Variants in TRMT11 observed in about 807,000 individuals in gnomAD.
TRMT11 encodes the protein tRNA (guanine(10)-N(2))-methyltransferase TRMT11.
TRMT11 carries 53 observed loss-of-function variants against 62.8 expected under a neutral mutation model. The observed-to-expected ratio is 0.84, with a 90% CI of 0.68 to 1.06. The LOEUF (loss-of-function observed/expected upper bound fraction) is 1.06, where lower values mean the gene tolerates loss of function less well. Among genes scored for constraint, TRMT11 ranks in the 50% least tolerant of loss-of-function variants. The probability of loss-of-function intolerance (pLI) is 0.00; values close to 1 mark genes in which losing one functional copy is unlikely to be tolerated. For missense variants in TRMT11, 556 were observed against 553.4 expected (o/e 1.00, Z -0.05); for synonymous variants, 188 against 190.3 (o/e 0.99, Z 0.10).
chr6:126,192,529 T>C (rs1266838581), intron 1 of TRMT11, among the ~76,000 whole-genome samples: 1 of 152,162 alleles, frequency 6.6e-6, no homozygotes. Context: ...GAGATCTTAC[T>C]TAAAAGGCTC....
At chr6:126,038,437 CAAAAA>C (rs72178194) in intron 12 of TRMT11, among the ~76,000 whole-genome samples, 6 of 129,260 alleles carry the variant, frequency 4.6e-5, no homozygotes, top group Admixed American at 7.7e-5. Flanking sequence ...TGCCCTGAGG[CAAAAA>C]AAAAAAAAAA....
the TRMT11 span, among the ~76,000 whole-genome samples, chr6:126,269,784 A>G: frequency 9.1e-4 from 139 of 152,326 alleles, no homozygotes; most frequent in African/African-American, 3.2e-3. Flanking sequence ...TAAGAGAAAA[A>G]ACCAAAGTAT....
the TRMT11 span, among the ~76,000 whole-genome samples, chr6:126,211,609 A>C: frequency 6.6e-6 from 1 of 150,472 alleles, no homozygotes; most frequent in East Asian, 2.0e-4. Flanking sequence ...ATAGCTCTCC[A>C]TTTTTCTTTA....
chr6:126,117,615 C>A (rs1357604194), intron 21 of TRMT11, among the ~76,000 whole-genome samples: 1 of 151,992 alleles, frequency 6.6e-6, no homozygotes, highest in Non-Finnish European at 1.5e-5. Flanking sequence ...TTCAGTTGAA[C>A]CTTTCATTCT....
At chr6:126,133,518 G>C (rs966293464) in intron 21 of TRMT11, among the ~76,000 whole-genome samples, 4 of 151,902 alleles carry the variant, frequency 2.6e-5, no homozygotes, top group African/African-American at 9.7e-5. Flanking sequence ...ATGAATGTAG[G>C]TAGCTACTGC....
chr6:126,023,556 G>T lies in TRMT11; in HGVS notation c.1260+2276G>T, dbSNP rs550892826. 1.3e-3 allele frequency among the ~76,000 whole-genome samples: 195 copies of T among 152,294 alleles called. 1 individual carries two copies. The highest frequency in any genetic ancestry group is 4.3e-3 in the African/African-American group (177 of 41,558). On this transcript the variant is annotated intron_variant, in intron 12 of 12. Transcript: ENST00000334379. ...CCAGTGACTTGGGGGGCTGAGGCAG[G>T]AGAATCACTTGAACCGGGGAGGTGG...
chr6:126,270,590 A>G, the TRMT11 span, among the ~76,000 whole-genome samples: 106 of 152,358 alleles, frequency 7.0e-4, no homozygotes, highest in African/African-American at 2.5e-3. Context: ...TTTGATAATT[A>G]TATTGTAGTT....
At chr6:126,215,565 A>ATGT in the TRMT11 span, among the ~76,000 whole-genome samples, 1 of 151,788 alleles carries the variant, frequency 6.6e-6, no homozygotes, top group African/African-American at 2.4e-5. Context: ...CTTTATTGTC[A>ATGT]GTCTATGTGT....
the TRMT11 span, among the ~76,000 whole-genome samples, chr6:126,231,464 A>G: frequency 1.3e-5 from 2 of 152,208 alleles, no homozygotes; most frequent in Admixed American, 6.5e-5. Flanking sequence ...ATACTAGTCT[A>G]TACGTTAATT....
intron 17 of TRMT11, among the ~76,000 whole-genome samples, chr6:126,059,709 G>A (rs1469560620): frequency 1.3e-5 from 2 of 152,088 alleles, no homozygotes. Flanking sequence ...TATGGAGGTG[G>A]GATTTGAACC....
chr6:126,126,334 G>A (rs187012010), intron 21 of TRMT11, among the ~76,000 whole-genome samples: 3 of 152,128 alleles, frequency 2.0e-5, no homozygotes, highest in Non-Finnish European at 2.9e-5. Context: ...ATATTTCAAC[G>A]TTTAGTTGTT....
chr6:126,221,195 T>A, the TRMT11 span, among the ~76,000 whole-genome samples: 1 of 152,232 alleles, frequency 6.6e-6, no homozygotes, highest in Non-Finnish European at 1.5e-5. Context: ...ATGTCTTTGT[T>A]ATTGTGAATA....
chr6:126,239,851 G>A, the TRMT11 span, among the ~76,000 whole-genome samples: 6 of 152,178 alleles, frequency 3.9e-5, no homozygotes, highest in Non-Finnish European at 8.8e-5. Flanking sequence ...ACACCAATGA[G>A]ACGTAGATTT....
chr6:126,143,771 A>G (rs561600330), intron 21 of TRMT11, among the ~76,000 whole-genome samples: 1 of 152,332 alleles, frequency 6.6e-6, no homozygotes, highest in East Asian at 1.9e-4. Flanking sequence ...TGCTTTATGT[A>G]ACCAAGTGTT....
chr6:126,096,127 A>G (rs1777336949), intron 17 of TRMT11, among the ~76,000 whole-genome samples: 1 of 152,156 alleles, frequency 6.6e-6, no homozygotes, highest in Admixed American at 6.6e-5. Context: ...AACCAGTAGG[A>G]GAATTCTGTT....
At chr6:126,168,990 A>C (rs1222100098) in intron 21 of TRMT11, among the ~76,000 whole-genome samples, 1 of 152,246 alleles carries the variant, frequency 6.6e-6, no homozygotes, top group Non-Finnish European at 1.5e-5. Context: ...AGAATTGCAA[A>C]GTTATTCCAA....
At chr6:126,271,380 A>G in the TRMT11 span, among the ~76,000 whole-genome samples, 3 of 150,008 alleles carry the variant, frequency 2.0e-5, no homozygotes, top group African/African-American at 7.4e-5. Flanking sequence ...AAAAAAAAAA[A>G]AAAAAAAAGA....
At chr6:126,237,397 T>C in the TRMT11 span, among the ~76,000 whole-genome samples, 1 of 152,154 alleles carries the variant, frequency 6.6e-6, no homozygotes, top group South Asian at 2.1e-4. Flanking sequence ...AAAAGTGTCT[T>C]GGCCAGGCAC....
chr6:126,260,791 A>AAT, the TRMT11 span, among the ~76,000 whole-genome samples: 2 of 152,194 alleles, frequency 1.3e-5, no homozygotes, highest in Admixed American at 1.3e-4. Flanking sequence ...GAAATCTGCT[A>AAT]ATAGTCTCAC....
Sources: allele counts gnomAD v4.1 joint callset (sites outside exome capture counted in the v4.1 genomes callset), GRCh38; gene constraint gnomAD v4.1.1; transcripts MANE v1.5; gene names NCBI Gene and HGNC (gene_info 2026-07-23, HGNC 2026-07-21).